The following FHOD3 variants were observed in gnomAD, a reference collection of about 807,000 sequenced individuals.
The protein encoded by FHOD3 is formin homology 2 domain containing 3.
Under a neutral mutation model 173.0 loss-of-function variants are expected in FHOD3, and 90 were observed. The ratio of observed to expected loss-of-function variants is 0.52; its 90% CI spans 0.44 to 0.62. The LOEUF (loss-of-function observed/expected upper bound fraction) is 0.62. FHOD3 is among the 20% of genes least tolerant of loss of function. FHOD3 has a pLI of 0.00. For missense variants in FHOD3, 1,945 were observed against 2,034.7 expected (o/e 0.96, Z 0.85); for synonymous variants, 828 against 823.0 (o/e 1.01, Z -0.10).
chr18:36,327,711 G>A (rs1188126938), intron 1 of FHOD3, among the ~76,000 whole-genome samples: 2 of 152,234 alleles, frequency 1.3e-5, no homozygotes, highest in Non-Finnish European at 2.9e-5. Context: ...TTGTGGGATG[G>A]AGGGGTGGCA....
intron 3 of FHOD3, among the ~76,000 whole-genome samples, chr18:36,475,792 A>G (rs2053539721): frequency 6.7e-6 from 1 of 149,160 alleles, no homozygotes; most frequent in Non-Finnish European, 1.5e-5. Context: ...ACACACACAC[A>G]CACGCATACA....
chr18:36,355,729 A>T lies in FHOD3; in HGVS notation c.272+84A>T. 2.7e-6 allele frequency: 3 copies of T among 1,096,738 alleles called. No individual in the cohort carries two copies. The South Asian group carries it at 4.1e-5, about 15-fold the overall frequency. 67.9% of individuals were successfully genotyped at this position (1,096,738 alleles called of 1,614,324 possible). A position where few individuals can be genotyped will look rare whatever the true frequency, so the allele number is the denominator to read the frequency against. ...TTGAGGCCTTAAAGTATTTAGGAGG[A>T]ACTACCATGGCTTTGACCTTCTCTT... On this transcript the variant is annotated intron_variant, in intron 2 of 28. Coordinates refer to ENST00000590592, the MANE Select transcript of FHOD3 (RefSeq NM_001281740.3).
In FHOD3 at chr18:36,658,254, G is replaced by A. The variant is rs146873252; in HGVS notation, c.1835+66G>A. The A allele has an allele frequency of 2.6e-4, 278 of 1,068,650 alleles. No homozygotes were observed. The African/African-American group carries it at 3.9e-3, about 15-fold the overall frequency. The allele number at this position is 1,068,650 out of a possible 1,614,324, so 66.2% of individuals were successfully genotyped here. A position where few individuals can be genotyped will look rare whatever the true frequency, so the allele number is the denominator to read the frequency against. ...GTGAGGGGAATCAATTTGGTTAAGT[G>A]TGGTTAAAGGAAAAATATAAATAAA... On this transcript the variant is annotated intron_variant, in intron 14 of 28. Coordinates refer to ENST00000590592, the MANE Select transcript of FHOD3 (RefSeq NM_001281740.3).
chr18:36,553,547 G>C (rs1488236754), intron 5 of FHOD3, among the ~76,000 whole-genome samples: 2 of 152,156 alleles, frequency 1.3e-5, no homozygotes. Flanking sequence ...TTAGTCTTGG[G>C]AGGGTGTATG....
intron 3 of FHOD3, among the ~76,000 whole-genome samples, chr18:36,470,526 C>T (rs2053220287): frequency 6.6e-6 from 1 of 152,192 alleles, no homozygotes; most frequent in South Asian, 2.1e-4. Context: ...ATAGGACTTT[C>T]TCACGTCCTT....
Position 36,652,784 on chromosome 18 carries a change from G to A in FHOD3, c.1501G>A (p.Ala501Thr), listed in dbSNP as rs992443540. ...PPASAARPSS[A>T]TPGSLKVSPT... ...TGCCTCAGCTGCTCGGCCCTCCTCC[G>A]CCACACCAGGCTCCCTGAAGGTGTC... The change falls in exon 12 of 29, where the codon GCC becomes ACC. Residue 501 changes from alanine to threonine, a missense_variant. Around this residue, in one of 5 missense-constraint regions of FHOD3, gnomAD observed 1,099 missense variants for 1,051.2 expected, o/e 1.05. Transcript: ENST00000590592. 59 of 1,535,752 alleles carry A rather than the reference G, an allele frequency of 3.8e-5. No homozygotes were observed. The highest frequency in any genetic ancestry group is 2.0e-4 in the East Asian group (8 of 40,900).
intron 2 of FHOD3, among the ~76,000 whole-genome samples, chr18:36,372,367 T>G (rs1181555243): frequency 6.6e-6 from 1 of 152,240 alleles, no homozygotes; most frequent in East Asian, 1.9e-4. Flanking sequence ...TTTCACTTCA[T>G]GGACACAGAT....
intron 7 of FHOD3, among the ~76,000 whole-genome samples, chr18:36,597,935 G>A (rs2030746805): frequency 6.6e-6 from 1 of 152,080 alleles, no homozygotes; most frequent in Non-Finnish European, 1.5e-5. Context: ...TACATATAAC[G>A]TCATCCTATT....
chr18:36,708,500 A>G (rs138180880), intron 17 of FHOD3, among the ~76,000 whole-genome samples: 32 of 152,342 alleles, frequency 2.1e-4, no homozygotes, highest in Middle Eastern at 3.4e-3. Context: ...CACAGTTTCC[A>G]TCTGTCAGAA....
intron 1 of FHOD3, among the ~76,000 whole-genome samples, chr18:36,299,570 C>A (rs1372767291): frequency 1.3e-5 from 2 of 152,130 alleles, no homozygotes; most frequent in East Asian, 3.9e-4. Flanking sequence ...CATGGGTTGA[C>A]CTTTCAAGCT....
At chr18:36,661,847 TAGA>T (rs1420490953) in intron 14 of FHOD3, among the ~76,000 whole-genome samples, 1 of 152,142 alleles carries the variant, frequency 6.6e-6, no homozygotes, top group Non-Finnish European at 1.5e-5. Flanking sequence ...GGCTCTCTTT[TAGA>T]AATAGAGTAA....
At chr18:36,473,662 C>T (rs1230665172) in intron 3 of FHOD3, among the ~76,000 whole-genome samples, 1 of 152,198 alleles carries the variant, frequency 6.6e-6, no homozygotes, top group Non-Finnish European at 1.5e-5. Flanking sequence ...ATAACTTCCT[C>T]ACTGCATCAA....
Position 36,297,793 on chromosome 18 carries a change from C to T in FHOD3, c.-43C>T. 6.8e-7 allele frequency: 1 copy of T among 1,462,266 alleles called. No individual in the cohort carries two copies. Among genetic ancestry groups the T allele is most frequent in the Non-Finnish European group, 9.1e-7 (1 of 1,102,574 alleles). The allele number at this position is 1,462,266 out of a possible 1,614,324, so 90.6% of individuals were successfully genotyped here. On this transcript the variant is annotated 5_prime_UTR_variant, in exon 1 of 29. Transcript: ENST00000590592. Reference sequence around the variant, plus strand: ...CTACCCGGGCGTCCCGGCCCGCGGCCCCGCTAACCCCGGGGCCCGCGCCCC... The same window carrying T: ...CTACCCGGGCGTCCCGGCCCGCGGCTCCGCTAACCCCGGGGCCCGCGCCCC...
At chr18:36,649,855 T>C (rs985239274) in intron 11 of FHOD3, among the ~76,000 whole-genome samples, 5 of 152,198 alleles carry the variant, frequency 3.3e-5, no homozygotes, top group African/African-American at 1.2e-4. Flanking sequence ...ATGATTCAGG[T>C]TTGTTTTATA....
chr18:36,773,849 A>AC, intron 28 of FHOD3, among the ~76,000 whole-genome samples: 1 of 151,598 alleles, frequency 6.6e-6, no homozygotes, highest in East Asian at 1.9e-4. Context: ...ACTCTTTTTT[A>AC]CCCCCAGAAT....
chr18:36,304,642 G>T (rs750568255), intron 1 of FHOD3, among the ~76,000 whole-genome samples: 1 of 152,016 alleles, frequency 6.6e-6, no homozygotes, highest in Non-Finnish European at 1.5e-5. Flanking sequence ...CAAGTGTAGG[G>T]CATCTGTCTT....
At position 36,505,539 on chromosome 18, in the gene FHOD3, CA is replaced by C. The variant is rs1365316743; in HGVS notation, c.405+3542del. Among the ~76,000 whole-genome samples, 31 of 152,156 alleles carry C rather than the reference CA, an allele frequency of 2.0e-4. 1 individual carries two copies. The highest frequency in any genetic ancestry group is 7.5e-4 in the African/African-American group (31 of 41,428). ...ACTTAATGGTATGCTGATCATTAAA[CA>C]AGCAAAGATCTATCATAAACTGAAA... On this transcript the variant is annotated intron_variant, in intron 4 of 28. Transcript: ENST00000590592.
At chr18:36,684,351 A>C (rs754193822) in intron 15 of FHOD3, among the ~76,000 whole-genome samples, 1 of 152,234 alleles carries the variant, frequency 6.6e-6, no homozygotes, top group African/African-American at 2.4e-5. Context: ...GAAAATTTTA[A>C]CTCAAAGGGA....
chr18:36,685,315 C>T (rs1285318329), intron 15 of FHOD3, among the ~76,000 whole-genome samples: 1 of 152,098 alleles, frequency 6.6e-6, no homozygotes, highest in Non-Finnish European at 1.5e-5. Flanking sequence ...GCTAATCAAC[C>T]GTAGGCAACT....
Sources: allele counts gnomAD v4.1 joint callset (sites outside exome capture counted in the v4.1 genomes callset), GRCh38; gene constraint gnomAD v4.1.1; regional missense constraint gnomAD v4.1.1; transcripts MANE v1.5; gene names NCBI Gene and HGNC (gene_info 2026-07-23, HGNC 2026-07-21).